LYPLAL1: variants seen among roughly 807,000 people sequenced by gnomAD.
The protein encoded by LYPLAL1 is lysophospholipase-like protein 1.
Under a neutral mutation model 19.7 loss-of-function variants are expected in LYPLAL1, and 23 were observed. The observed-to-expected ratio is 1.17, with a 90% confidence interval of 0.84 to 1.65. LYPLAL1 has a LOEUF of 1.65. LYPLAL1 is among the 40% of genes most tolerant of loss of function. The pLI, the probability that LYPLAL1 is intolerant of heterozygous loss-of-function variation, is 0.00. For missense variants in LYPLAL1, 355 were observed against 279.4 expected (o/e 1.27, Z -1.93); for synonymous variants, 119 against 96.3 (o/e 1.24, Z -1.38).
At chr1:219,317,681 TAGAA>T in the LYPLAL1 span, among the ~76,000 whole-genome samples, 12 of 152,114 alleles carry the variant, frequency 7.9e-5, no homozygotes, top group Non-Finnish European at 2.9e-5. Flanking sequence ...TATGAATTCT[TAGAA>T]AGGAAAAAAC....
chr1:219,392,037 C>T, the LYPLAL1 span, among the ~76,000 whole-genome samples: 8,502 of 152,088 alleles, frequency 0.056, 340 homozygotes, highest in South Asian at 0.088. Context: ...ATAAAGGTAC[C>T]TAGGGAGGCC....
At chr1:219,270,063 A>G in the LYPLAL1 span, among the ~76,000 whole-genome samples, 7 of 152,270 alleles carry the variant, frequency 4.6e-5, no homozygotes, top group Admixed American at 3.9e-4. Flanking sequence ...GAAAATGGGC[A>G]TAAAGGCTAG....
At chr1:219,261,869 C>T in the LYPLAL1 span, among the ~76,000 whole-genome samples, 7 of 152,232 alleles carry the variant, frequency 4.6e-5, no homozygotes, top group East Asian at 3.9e-4. Flanking sequence ...GTTCTTTGAG[C>T]GCCTTGTATT....
chr1:219,315,542 G>A, the LYPLAL1 span, among the ~76,000 whole-genome samples: 1 of 152,042 alleles, frequency 6.6e-6, no homozygotes, highest in African/African-American at 2.4e-5. Flanking sequence ...CCTTAAAATA[G>A]ACATCATTTT....
chr1:219,253,411 T>C, the LYPLAL1 span, among the ~76,000 whole-genome samples: 1 of 152,068 alleles, frequency 6.6e-6, no homozygotes, highest in Admixed American at 6.6e-5. Context: ...ATATAGGCAT[T>C]AAGTGCTATG....
the LYPLAL1 span, among the ~76,000 whole-genome samples, chr1:219,357,939 G>C: frequency 6.6e-6 from 1 of 152,108 alleles, no homozygotes; most frequent in East Asian, 1.9e-4. Context: ...GTCTGCAAAG[G>C]CTACATATTA....
chr1:219,255,988 G>A, the LYPLAL1 span, among the ~76,000 whole-genome samples: 2 of 150,720 alleles, frequency 1.3e-5, no homozygotes, highest in African/African-American at 4.9e-5. Context: ...ATTTATTTAG[G>A]AATTTTTTCA....
the LYPLAL1 span, among the ~76,000 whole-genome samples, chr1:219,263,917 G>A: frequency 4.0e-4 from 61 of 152,106 alleles, no homozygotes; most frequent in African/African-American, 1.2e-3. Flanking sequence ...CACTTCTTCC[G>A]CAGGATCTGT....
At chr1:219,404,617 C>A in the LYPLAL1 span, among the ~76,000 whole-genome samples, 2 of 152,048 alleles carry the variant, frequency 1.3e-5, no homozygotes, top group African/African-American at 4.8e-5. Context: ...AAAGGGACAC[C>A]AAAGCCCAGG....
chr1:219,208,541 A>G (rs144551002), intron 3 of LYPLAL1, among the ~76,000 whole-genome samples: 3 of 152,162 alleles, frequency 2.0e-5, no homozygotes, highest in African/African-American at 4.8e-5. Flanking sequence ...AGTTACTGCT[A>G]TGTGCAAAGC....
At chr1:219,431,541 G>T in the LYPLAL1 span, among the ~76,000 whole-genome samples, 2 of 152,172 alleles carry the variant, frequency 1.3e-5, no homozygotes, top group African/African-American at 4.8e-5. Context: ...TGAAGGTGAC[G>T]GTGTGGCTCT....
the LYPLAL1 span, among the ~76,000 whole-genome samples, chr1:219,248,706 T>G: frequency 2.0e-5 from 3 of 152,094 alleles, no homozygotes; most frequent in Non-Finnish European, 4.4e-5. Flanking sequence ...TTGTGGTTGC[T>G]TCAGGGCGTG....
At chr1:219,262,701 C>T in the LYPLAL1 span, among the ~76,000 whole-genome samples, 2 of 152,146 alleles carry the variant, frequency 1.3e-5, no homozygotes, top group Non-Finnish European at 2.9e-5. Context: ...TTCAGGTCTC[C>T]CAGCTGTGGA....
intron 3 of LYPLAL1, among the ~76,000 whole-genome samples, chr1:219,204,909 TTTATCAGAATTTTGATAATATAAGCATA>T (rs929782737): frequency 5.3e-5 from 8 of 152,098 alleles, no homozygotes; most frequent in South Asian, 2.1e-4. Context: ...TATGAATAGA[TTTATCAGAATTTTGATAATATAAGCATA>T]TTATCAGAAT....
At chr1:219,237,510 A>G in the LYPLAL1 span, among the ~76,000 whole-genome samples, 1 of 152,208 alleles carries the variant, frequency 6.6e-6, no homozygotes, top group African/African-American at 2.4e-5. Flanking sequence ...ATTACAACAT[A>G]TGACACCATC....
chr1:219,351,373 G>A, the LYPLAL1 span, among the ~76,000 whole-genome samples: 1 of 151,968 alleles, frequency 6.6e-6, no homozygotes, highest in Non-Finnish European at 1.5e-5. Flanking sequence ...GGGAATAATA[G>A]AGCAGAGAGA....
chr1:219,276,859 G>C, the LYPLAL1 span, among the ~76,000 whole-genome samples: 1 of 152,064 alleles, frequency 6.6e-6, no homozygotes. Flanking sequence ...CAAGAGCTCG[G>C]GTATAGAAAT....
chr1:219,184,897 T>C (rs1276684419), intron 2 of LYPLAL1, among the ~76,000 whole-genome samples: 2 of 151,730 alleles, frequency 1.3e-5, no homozygotes, highest in Non-Finnish European at 2.9e-5. Context: ...TTTTCTTTAA[T>C]GCCTTTGAAA....
chr1:219,284,894 C>A, the LYPLAL1 span, among the ~76,000 whole-genome samples: 3 of 152,130 alleles, frequency 2.0e-5, no homozygotes, highest in Admixed American at 2.0e-4. Context: ...TGGATTGAAT[C>A]CTCTATAAAG....
Sources: allele counts gnomAD v4.1 joint callset (sites outside exome capture counted in the v4.1 genomes callset), GRCh38; gene constraint gnomAD v4.1.1; transcripts MANE v1.5; gene names NCBI Gene and HGNC (gene_info 2026-07-23, HGNC 2026-07-21).